Variants in KIF21A observed in about 807,000 individuals in gnomAD.
KIF21A encodes the protein kinesin-like protein KIF21A.
In KIF21A, 114 loss-of-function variants were observed where a neutral mutation model predicts 202.9. The observed-to-expected ratio is 0.56, with a 90% confidence interval of 0.48 to 0.66. The LOEUF is 0.66. KIF21A is among the 30% of genes least tolerant of loss of function. The pLI is 0.00. For missense variants in KIF21A, 1,677 were observed against 1,994.9 expected (o/e 0.84, Z 3.04); for synonymous variants, 667 against 670.8 (o/e 0.99, Z 0.09).
rs1949835141 is a variant in KIF21A, at chr12:39,369,819, G to T, written c.360C>A (p.His120Gln). 4 of 1,612,068 alleles carry T rather than the reference G, an allele frequency of 2.5e-6. No homozygotes were observed. The highest frequency in any genetic ancestry group is 2.5e-6 in the Non-Finnish European group (3 of 1,178,470). The change falls in exon 3 of 38, where the codon CAC becomes CAA. Residue 120 changes from histidine to glutamine, a missense_variant. Physicochemically the swap from His to Gln is conservative, Grantham distance 24. Around this residue, in one of 3 missense-constraint regions of KIF21A, gnomAD observed 966 missense variants for 1,180.9 expected, o/e 0.82. Coordinates refer to ENST00000361418, the MANE Select transcript of KIF21A (RefSeq NM_001173464.2). ...TTTTTTCTTCAATACTCTTAAAAAG[G>T]TGTTTAACAGCTCGAGAAATAATAC... Reference protein sequence around the residue: ...ELGIISRAVKHLFKSIEEKKH... With the variant: ...ELGIISRAVKQLFKSIEEKKH...
chr12:39,349,301 C>T (rs1429468530), intron 11 of KIF21A, among the ~76,000 whole-genome samples: 1 of 152,040 alleles, frequency 6.6e-6, no homozygotes, highest in Non-Finnish European at 1.5e-5. Context: ...GAAATTTGGA[C>T]ATCATGTATT....
intron 37 of KIF21A, 121 bp from the exon 38 acceptor site, chr12:39,294,638 A>T (rs1422271816): frequency 2.7e-6 from 2 of 732,214 alleles, no homozygotes; most frequent in Non-Finnish European, 4.8e-6. Context: ...TCCAAGTATA[A>T]ATATGCATTG....
At chr12:39,428,143 C>G (rs990821296) in intron 1 of KIF21A, among the ~76,000 whole-genome samples, 2 of 152,190 alleles carry the variant, frequency 1.3e-5, no homozygotes, top group Non-Finnish European at 2.9e-5. Context: ...GATGATTCTT[C>G]CTTGTCAAAG....
At chr12:39,427,917 C>T (rs1324486702) in intron 1 of KIF21A, among the ~76,000 whole-genome samples, 1 of 152,180 alleles carries the variant, frequency 6.6e-6, no homozygotes, top group East Asian at 1.9e-4. Flanking sequence ...CCTCAGCCTC[C>T]CAAAGTGCTG....
rs760073207 is a variant in KIF21A at position 39,322,804 on chromosome 12, C to T, written c.3535G>A (p.Asp1179Asn). The change falls in exon 27 of 38, where the codon GAT (aspartate) becomes AAT (asparagine). Residue 1179 changes from aspartate to asparagine, a missense_variant. Transcript: ENST00000361418. ...GTGAGAGGGCCAGGCAAGGAGGCAT[C>T]TCCTGTACTAGTGTCTGAAGCTAGT... Reference protein sequence around the residue: ...SELASDTSTGDASLPGPLTPV... With the variant: ...SELASDTSTGNASLPGPLTPV... 2.2e-5 allele frequency: 36 copies of T among 1,613,978 alleles called. No homozygotes were observed. Among genetic ancestry groups the T allele is most frequent in the Non-Finnish European group, 3.0e-5 (35 of 1,179,988 alleles).
intron 12 of KIF21A, among the ~76,000 whole-genome samples, chr12:39,342,798 C>T (rs906212353): frequency 1.3e-5 from 2 of 152,082 alleles, no homozygotes; most frequent in Admixed American, 6.6e-5. Flanking sequence ...CAGGGTCTGC[C>T]GCAAGATTCA....
At chr12:39,421,650 G>T (rs559220075) in intron 1 of KIF21A, among the ~76,000 whole-genome samples, 1 of 150,514 alleles carries the variant, frequency 6.6e-6, no homozygotes, top group Non-Finnish European at 1.5e-5. Context: ...CCAGGGCTGC[G>T]CCACTGCACT....
chr12:39,435,512 C>A lies in KIF21A; in HGVS notation c.44+7415G>T, dbSNP rs185854638. Among the ~76,000 whole-genome samples, 5 of 152,222 alleles carry A rather than the reference C, an allele frequency of 3.3e-5. No homozygotes were observed. The East Asian group carries it at 9.7e-4, about 29-fold the overall frequency. On this transcript the variant is annotated intron_variant, in intron 1 of 37. Coordinates refer to ENST00000361418, the MANE Select transcript of KIF21A (RefSeq NM_001173464.2). ...TGGGGTGACAGGCCTCCATTACAATCAAAATGTACTCTGTATTTCCTTCTG... is the reference window on the plus strand; with the variant it reads ...TGGGGTGACAGGCCTCCATTACAATAAAAATGTACTCTGTATTTCCTTCTG...
Position 39,356,485 on chromosome 12 carries a change from A to G in KIF21A, c.1469+347T>C. 7.3e-5 allele frequency: 13 copies of G among 178,656 alleles called. No homozygotes were observed. The South Asian group carries it at 7.7e-4, about 11-fold the overall frequency. The allele number at this position is 178,656 out of a possible 1,614,324, so 11.1% of individuals were successfully genotyped here. A position where few individuals can be genotyped will look rare whatever the true frequency, so the allele number is the denominator to read the frequency against. On this transcript the variant is annotated intron_variant, in intron 10 of 37. Coordinates refer to ENST00000361418, the MANE Select transcript of KIF21A (RefSeq NM_001173464.2). ...AATTGGAGATGATGTGTAGATATTG[A>G]TCTATTCCCAACTGATGGGGGAAGA...
At chr12:39,436,080 G>A (rs1189238720) in intron 1 of KIF21A, among the ~76,000 whole-genome samples, 1 of 152,006 alleles carries the variant, frequency 6.6e-6, no homozygotes, top group African/African-American at 2.4e-5. Flanking sequence ...TACTACTGAG[G>A]TGCTTCTAAA....
At chr12:39,412,688 A>AG (rs1953206790) in intron 1 of KIF21A, among the ~76,000 whole-genome samples, 5 of 152,314 alleles carry the variant, frequency 3.3e-5, no homozygotes, top group African/African-American at 1.2e-4. Context: ...ACTGCACTCC[A>AG]GCCTGGGTGA....
intron 11 of KIF21A, among the ~76,000 whole-genome samples, chr12:39,348,455 T>A (rs765305625): frequency 6.6e-6 from 1 of 152,092 alleles, no homozygotes; most frequent in African/African-American, 2.4e-5. Context: ...CTATTAGTTA[T>A]AGTTCTGATA....
At chr12:39,409,241 C>T (rs113470575) in intron 1 of KIF21A, among the ~76,000 whole-genome samples, 2,057 of 151,726 alleles carry the variant, frequency 0.014, 64 homozygotes, top group African/African-American at 0.046. Context: ...AAGAAAGAGC[C>T]AGGTTTGGTG....
rs547298216 is a variant in KIF21A at position 39,342,749 on chromosome 12, T to C, written c.1713-625A>G. ...ATGTGTCTTTGCATACCAAAAACTG[T>C]CTAATGTTCAGGCTGCCCTTTGATT... On this transcript the variant is annotated intron_variant, in intron 12 of 37. Coordinates refer to ENST00000361418, the MANE Select transcript of KIF21A (RefSeq NM_001173464.2). Among the ~76,000 whole-genome samples the C allele has an allele frequency of 4.9e-4, 75 of 152,278 alleles. 1 individual carries two copies. The highest frequency in any genetic ancestry group is 1.6e-3 in the African/African-American group (68 of 41,560).
chr12:39,390,037 A>C (rs1304163199), intron 1 of KIF21A, among the ~76,000 whole-genome samples: 1 of 152,104 alleles, frequency 6.6e-6, no homozygotes, highest in Non-Finnish European at 1.5e-5. Context: ...ACTTTCAACC[A>C]AATTGTGTTT....
chr12:39,296,326 C>T (rs573896639), intron 37 of KIF21A, among the ~76,000 whole-genome samples: 36 of 152,110 alleles, frequency 2.4e-4, no homozygotes, highest in African/African-American at 8.7e-4. Context: ...GCCTCGGCCT[C>T]CCAAAGTGCT....
intron 1 of KIF21A, among the ~76,000 whole-genome samples, chr12:39,370,900 GATTGGTTTCAC>G (rs1949908973): frequency 6.6e-6 from 1 of 151,976 alleles, no homozygotes; most frequent in Non-Finnish European, 1.5e-5. Flanking sequence ...ATCCATGAAA[GATTGGTTTCAC>G]ATTGGTTTCA....
intron 12 of KIF21A, among the ~76,000 whole-genome samples, chr12:39,343,393 T>TA (rs1280517200): frequency 6.6e-6 from 1 of 151,636 alleles, no homozygotes; most frequent in Non-Finnish European, 1.5e-5. Context: ...ACAATAAATT[T>TA]AAAAAATAAA....
chr12:39,407,658 A>C (rs1952703859), intron 1 of KIF21A, among the ~76,000 whole-genome samples: 1 of 152,190 alleles, frequency 6.6e-6, no homozygotes, highest in Non-Finnish European at 1.5e-5. Flanking sequence ...TAACTTGCTC[A>C]AGATCATACA....
Sources: allele counts gnomAD v4.1 joint callset (sites outside exome capture counted in the v4.1 genomes callset), GRCh38; gene constraint gnomAD v4.1.1; regional missense constraint gnomAD v4.1.1; transcripts MANE v1.5; gene names NCBI Gene and HGNC (gene_info 2026-07-23, HGNC 2026-07-21).